LRMDA: variants seen among roughly 807,000 people sequenced by gnomAD.
LRMDA encodes the protein leucine-rich melanocyte differentiation-associated protein.
In LRMDA, 18 loss-of-function variants were observed where a neutral mutation model predicts 29.8. The observed-to-expected ratio is 0.60, with a 90% CI of 0.42 to 0.90. LRMDA has a LOEUF of 0.90. Ranked by LOEUF, LRMDA falls within the 40% of genes least tolerant of loss-of-function variation. The pLI is 0.00. For synonymous variants in LRMDA, 125 were observed against 109.4 expected, an observed-to-expected ratio of 1.14 and a Z score of -0.89; for missense variants, 273 against 273.9, an observed-to-expected ratio of 1.00 and a Z score of 0.02.
At chr10:76,147,875 C>T (rs1290488909) in intron 5 of LRMDA, among the ~76,000 whole-genome samples, 9 of 152,072 alleles carry the variant, frequency 5.9e-5, no homozygotes. Flanking sequence ...TGTGGATGTC[C>T]TTTCTGTTTG....
chr10:76,328,665 C>A (rs933510787), intron 6 of LRMDA, among the ~76,000 whole-genome samples: 7 of 152,228 alleles, frequency 4.6e-5, no homozygotes, highest in Non-Finnish European at 7.3e-5. Context: ...TCACCACTGC[C>A]ATGCGTTTCC....
chr10:75,880,524 A>T (rs1165367695), intron 2 of LRMDA, among the ~76,000 whole-genome samples: 1 of 152,232 alleles, frequency 6.6e-6, no homozygotes, highest in East Asian at 1.9e-4. Context: ...TGAGATGAAC[A>T]AATTGGGATA....
At chr10:76,485,985 T>C (rs1842779253) in intron 6 of LRMDA, among the ~76,000 whole-genome samples, 1 of 151,946 alleles carries the variant, frequency 6.6e-6, no homozygotes, top group Non-Finnish European at 1.5e-5. Flanking sequence ...CTTTGAGTAC[T>C]GAGATCCTTA....
At chr10:75,586,269 A>C (rs1300812718) in intron 2 of LRMDA, among the ~76,000 whole-genome samples, 1 of 151,118 alleles carries the variant, frequency 6.6e-6, no homozygotes, top group South Asian at 2.1e-4. Flanking sequence ...ACCTTTTTCC[A>C]TAGAAGCTAT....
At chr10:75,999,369 A>G (rs1847523756) in intron 2 of LRMDA, among the ~76,000 whole-genome samples, 2 of 152,234 alleles carry the variant, frequency 1.3e-5, no homozygotes, top group Non-Finnish European at 2.9e-5. Flanking sequence ...TTACAAAAAT[A>G]AGCTTTGTCA....
At chr10:76,140,569 C>A (rs571772197) in intron 5 of LRMDA, among the ~76,000 whole-genome samples, 1 of 152,146 alleles carries the variant, frequency 6.6e-6, no homozygotes, top group South Asian at 2.1e-4. Flanking sequence ...AAACAGTACC[C>A]CAAAGGATGG....
intron 6 of LRMDA, among the ~76,000 whole-genome samples, chr10:76,478,459 C>T (rs1842701467): frequency 1.3e-5 from 2 of 152,104 alleles, no homozygotes; most frequent in Non-Finnish European, 2.9e-5. Context: ...GGACTGTAAA[C>T]TAGTTCAACC....
intron 2 of LRMDA, among the ~76,000 whole-genome samples, chr10:75,577,962 A>G (rs992756326): frequency 4.6e-5 from 7 of 151,358 alleles, no homozygotes; most frequent in Admixed American, 3.9e-4. Context: ...CATGGATGCT[A>G]TGAAGAAACT....
chr10:76,332,506 T>A (rs1190685602), intron 6 of LRMDA, among the ~76,000 whole-genome samples: 3 of 152,164 alleles, frequency 2.0e-5, no homozygotes, highest in Admixed American at 2.0e-4. Context: ...GGATTTCAGT[T>A]TTCCCCTGCC....
chr10:76,372,948 TA>T (rs1256193980), intron 6 of LRMDA, among the ~76,000 whole-genome samples: 1 of 152,092 alleles, frequency 6.6e-6, no homozygotes, highest in Non-Finnish European at 1.5e-5. Context: ...CCATTTTTTT[TA>T]AAAAGGGTCC....
chr10:75,879,449 A>G (rs530079853), intron 2 of LRMDA, among the ~76,000 whole-genome samples: 6 of 152,358 alleles, frequency 3.9e-5, no homozygotes, highest in African/African-American at 1.2e-4. Context: ...GGCATTAGCC[A>G]TGGTCATTTA....
intron 6 of LRMDA, among the ~76,000 whole-genome samples, chr10:76,337,549 A>T (rs987976072): frequency 1.3e-5 from 2 of 152,174 alleles, no homozygotes; most frequent in Non-Finnish European, 2.9e-5. Context: ...TGCTCCTGGC[A>T]TACATGAAGC....
chr10:76,516,143 G>A (rs1317840051), intron 6 of LRMDA, among the ~76,000 whole-genome samples: 1 of 152,092 alleles, frequency 6.6e-6, no homozygotes. Flanking sequence ...GTTGATAAAA[G>A]GCAAATATGA....
At chr10:75,472,503 G>T (rs1336405134) in intron 2 of LRMDA, among the ~76,000 whole-genome samples, 1 of 152,200 alleles carries the variant, frequency 6.6e-6, no homozygotes, top group African/African-American at 2.4e-5. Flanking sequence ...CTCCCAAATG[G>T]CAGGGACAAT....
At chr10:75,691,110 CTATATATCTATATACA>C (rs1842144389) in intron 2 of LRMDA, among the ~76,000 whole-genome samples, 1 of 65,886 alleles carries the variant, frequency 1.5e-5, no homozygotes, top group Non-Finnish European at 2.5e-5. Flanking sequence ...ATATATAGAT[CTATATATCTATATACA>C]TAGATATATA....
At position 75,870,508 on chromosome 10, in the gene LRMDA, C is replaced by T. The variant is rs780870598; in HGVS notation, c.132-165500C>T. Among the ~76,000 whole-genome samples, 9 of 152,144 alleles carry T rather than the reference C, an allele frequency of 5.9e-5. 1 individual carries two copies. The highest frequency in any genetic ancestry group is 1.3e-4 in the Non-Finnish European group (9 of 68,018). ...CCTTATTCCTTAGACCTTTGTTGTC[C>T]GGATTCTGGAACAAGCCCTTCTCTA... is the stretch of plus-strand genomic sequence containing the variant. On this transcript the variant is annotated intron_variant, in intron 2 of 6. Coordinates refer to ENST00000611255, the MANE Select transcript of LRMDA (RefSeq NM_001305581.2).
chr10:75,787,059 A>T (rs143388501), intron 2 of LRMDA, among the ~76,000 whole-genome samples: 222 of 152,330 alleles, frequency 1.5e-3, no homozygotes, highest in African/African-American at 4.9e-3. Context: ...GTCGCCAAGG[A>T]CTTAACCACC....
intron 5 of LRMDA, among the ~76,000 whole-genome samples, chr10:76,093,736 A>T (rs1218921069): frequency 6.6e-6 from 1 of 152,142 alleles, no homozygotes; most frequent in Non-Finnish European, 1.5e-5. Flanking sequence ...AGGGTCACTG[A>T]CAAGTTCCAA....
intron 6 of LRMDA, among the ~76,000 whole-genome samples, chr10:76,384,035 A>G (rs1387666319): frequency 6.7e-6 from 1 of 149,424 alleles, no homozygotes; most frequent in Non-Finnish European, 1.5e-5. Flanking sequence ...TCCCACTTCT[A>G]CCTCTATGAA....
Sources: allele counts gnomAD v4.1 joint callset (sites outside exome capture counted in the v4.1 genomes callset), GRCh38; gene constraint gnomAD v4.1.1; transcripts MANE v1.5; gene names NCBI Gene and HGNC (gene_info 2026-07-23, HGNC 2026-07-21).